Variants in KLHL5 observed in about 807,000 individuals in gnomAD.
KLHL5 encodes kelch like family member 5.
In KLHL5, 48 loss-of-function variants were observed where a neutral mutation model predicts 77.7. That is an observed-to-expected ratio of 0.62 (90% CI 0.49 to 0.79). The LOEUF (loss-of-function observed/expected upper bound fraction) is 0.79, where lower values mean the gene tolerates loss of function less well. Ranked by LOEUF, KLHL5 falls within the 30% of genes least tolerant of loss-of-function variation. KLHL5 has a pLI of 0.00. For synonymous variants in KLHL5, 260 were observed against 297.0 expected (o/e 0.88, Z 1.28); for missense variants, 723 against 859.7 (o/e 0.84, Z 1.99).
chr4:39,124,590 G>C lies in KLHL5; in HGVS notation c.*3524G>C. ...GAAAGAACAGTGTCTTCAACTAATA[G>C]TGCTAAGACAAGTGAATATTCACAT... On this transcript the variant is annotated 3_prime_UTR_variant, in exon 11 of 11. Coordinates refer to ENST00000504108, the MANE Select transcript of KLHL5 (RefSeq NM_015990.5). Among the ~76,000 whole-genome samples, 1 of 151,962 alleles carries C rather than the reference G, an allele frequency of 6.6e-6. No homozygotes were observed. Among genetic ancestry groups the C allele is most frequent in the Non-Finnish European group, 1.5e-5 (1 of 67,960 alleles).
chr4:39,131,812 TG>T (rs1226228146), downstream of KLHL5, among the ~76,000 whole-genome samples: 2 of 148,778 alleles, frequency 1.3e-5, no homozygotes, highest in Non-Finnish European at 3.0e-5. Flanking sequence ...TGCTTGAGCC[TG>T]GGAAGTTGAG....
chr4:39,109,402 G>A (rs983209893), intron 8 of KLHL5, among the ~76,000 whole-genome samples: 5 of 151,972 alleles, frequency 3.3e-5, no homozygotes, highest in Non-Finnish European at 5.9e-5. Context: ...AGGTTCAAGC[G>A]GTTCTCCTGC....
the KLHL5 span, among the ~76,000 whole-genome samples, chr4:39,137,863 A>G: frequency 6.6e-6 from 1 of 152,224 alleles, no homozygotes; most frequent in African/African-American, 2.4e-5. Flanking sequence ...GAACTTAAAC[A>G]AATTTACAAG....
chr4:39,088,518 C>T (rs1208462192), intron 5 of KLHL5, among the ~76,000 whole-genome samples: 1 of 152,094 alleles, frequency 6.6e-6, no homozygotes, highest in Non-Finnish European at 1.5e-5. Flanking sequence ...AGTTCTGTGC[C>T]TTGTCCACTA....
chr4:39,134,311 G>A, the KLHL5 span, among the ~76,000 whole-genome samples: 1 of 152,170 alleles, frequency 6.6e-6, no homozygotes, highest in East Asian at 1.9e-4. Flanking sequence ...ACATAGGGAG[G>A]TTGAGTCAAC....
At chr4:39,058,077 A>C (rs1020444805), upstream of KLHL5, among the ~76,000 whole-genome samples, 5 of 152,348 alleles carry the variant, frequency 3.3e-5, no homozygotes, top group African/African-American at 1.2e-4. Flanking sequence ...TGAAAAATGT[A>C]TTCATAATTG....
chr4:39,083,135 G>A (rs748314285), intron 4 of KLHL5, among the ~76,000 whole-genome samples: 1 of 152,300 alleles, frequency 6.6e-6, no homozygotes, highest in Admixed American at 6.5e-5. Context: ...GATATGAAGA[G>A]ATTGAGAGTG....
Position 39,113,208 on chromosome 4 carries a change from CCA to C in KLHL5, c.1878_1879del (p.Arg627ThrfsTer9). The C allele has an allele frequency of 6.2e-7, 1 of 1,613,940 alleles. No homozygotes were observed. Among genetic ancestry groups the C allele is most frequent in the Non-Finnish European group, 8.5e-7 (1 of 1,179,906 alleles). Reference sequence around the variant, plus strand: ...GATGCTCCCGCATCCAACTTGACTTCCAGACTCTCAGACTGTGTGGAAAGGTA... The same window carrying C: ...GATGCTCCCGCATCCAACTTGACTTCGACTCTCAGACTGTGTGGAAAGGTA... On this transcript the variant is annotated frameshift_variant, in exon 9 of 11. Transcript: ENST00000504108. LOFTEE classifies it high-confidence loss of function.
the KLHL5 span, among the ~76,000 whole-genome samples, chr4:39,132,351 G>T: frequency 6.6e-6 from 1 of 152,172 alleles, no homozygotes; most frequent in African/African-American, 2.4e-5. Flanking sequence ...GCTCACTCTT[G>T]TAATCCCAGC....
chr4:39,061,714 ACTTTTC>A (rs1717426474), upstream of KLHL5, among the ~76,000 whole-genome samples: 1 of 152,172 alleles, frequency 6.6e-6, no homozygotes, highest in Non-Finnish European at 1.5e-5. Flanking sequence ...TTTGAGCCGC[ACTTTTC>A]CTTTTCCTAA....
intron 10 of KLHL5, among the ~76,000 whole-genome samples, chr4:39,119,438 T>C (rs1405558181): frequency 6.6e-6 from 1 of 151,948 alleles, no homozygotes; most frequent in Non-Finnish European, 1.5e-5. Flanking sequence ...TACAAAAAAT[T>C]AGCCAGGTAT....
At chr4:39,090,369 C>T (rs1174155442) in intron 5 of KLHL5, among the ~76,000 whole-genome samples, 3 of 151,814 alleles carry the variant, frequency 2.0e-5, no homozygotes, top group Non-Finnish European at 2.9e-5. Context: ...ATCATCGTGT[C>T]TCCAACAGTA....
intron 1 of KLHL5, among the ~76,000 whole-genome samples, chr4:39,050,992 A>G (rs1228368090): frequency 1.3e-5 from 2 of 152,198 alleles, no homozygotes; most frequent in Admixed American, 1.3e-4. Context: ...ATCTGCTTTG[A>G]TCCTGATACA....
Position 39,113,092 on chromosome 4 carries a change from T to G in KLHL5, c.1761T>G (p.Asn587Lys). Residue 587 changes from asparagine to lysine, a missense_variant, in exon 9 of 11, where the codon AAT (asparagine) becomes AAG (lysine). Coordinates refer to ENST00000504108, the MANE Select transcript of KLHL5 (RefSeq NM_015990.5). Reference protein sequence around the residue: ...KSVECFDPHTNKWTLCAQMSK... With the variant: ...KSVECFDPHTKKWTLCAQMSK... ...TAGAATGTTTTGATCCTCATACTAA[T>G]AAGTGGACACTGTGTGCACAGATGT... 6.2e-7 allele frequency: 1 copy of G among 1,614,066 alleles called. No individual in the cohort carries two copies. The highest frequency in any genetic ancestry group is 8.5e-7 in the Non-Finnish European group (1 of 1,179,980).
chr4:39,056,174 G>A (rs574982698), intron 1 of KLHL5, among the ~76,000 whole-genome samples: 9 of 152,316 alleles, frequency 5.9e-5, no homozygotes, highest in Admixed American at 3.9e-4. Flanking sequence ...CCGAGCAGCC[G>A]TGCAATGGCA....
At chr4:39,079,727 A>G (rs6858228) in intron 2 of KLHL5, among the ~76,000 whole-genome samples, 3 of 152,148 alleles carry the variant, frequency 2.0e-5, no homozygotes, top group African/African-American at 7.2e-5. Context: ...GTAAGACTCC[A>G]TAAGAGAAGG....
chr4:39,074,936 G>T (rs189449729), intron 1 of KLHL5, among the ~76,000 whole-genome samples: 6 of 152,288 alleles, frequency 3.9e-5, no homozygotes, highest in Admixed American at 3.9e-4. Context: ...CTGGAGAGGA[G>T]AACTGGGTGT....
At position 39,124,713 on chromosome 4, in the gene KLHL5, T is replaced by C. The variant is rs1723416923; in HGVS notation, c.*3647T>C. On this transcript the variant is annotated 3_prime_UTR_variant, in exon 11 of 11. Coordinates refer to ENST00000504108, the MANE Select transcript of KLHL5 (RefSeq NM_015990.5). ...ATGTAAGAGCTAAAACCATAAAACT[T>C]TGAGAAGAAAATACAGGAATAAATC... Among the ~76,000 whole-genome samples, 1 of 145,880 alleles carries C rather than the reference T, an allele frequency of 6.9e-6. No homozygotes were observed. The highest frequency in any genetic ancestry group is 1.5e-5 in the Non-Finnish European group (1 of 66,898).
chr4:39,047,282 G>T (rs1038355713), intron 1 of KLHL5, among the ~76,000 whole-genome samples: 3 of 152,194 alleles, frequency 2.0e-5, no homozygotes, highest in African/African-American at 7.2e-5. Context: ...GCCGGGAGTG[G>T]TGCCACGTAC....
Sources: allele counts gnomAD v4.1 joint callset (sites outside exome capture counted in the v4.1 genomes callset), GRCh38; gene constraint gnomAD v4.1.1; transcripts MANE v1.5; gene names NCBI Gene and HGNC (gene_info 2026-07-23, HGNC 2026-07-21).